Variants in KLHL1 observed in about 807,000 individuals in gnomAD.
KLHL1 encodes kelch-like protein 1.
Under a neutral mutation model 77.7 loss-of-function variants are expected in KLHL1, and 47 were observed. The ratio of observed to expected loss-of-function variants is 0.60; its 90% confidence interval spans 0.48 to 0.77. KLHL1 has a LOEUF of 0.77. Ranked by LOEUF, KLHL1 falls within the 30% of genes least tolerant of loss-of-function variation. The probability of loss-of-function intolerance (pLI) is 0.00; values close to 1 mark genes in which losing one functional copy is unlikely to be tolerated. For missense variants in KLHL1, 925 were observed against 910.8 expected, an observed-to-expected ratio of 1.02 and a Z score of -0.20; for synonymous variants, 360 against 325.2, an observed-to-expected ratio of 1.11 and a Z score of -1.15.
chr13:69,814,181 A>T (rs780312182), intron 6 of KLHL1, among the ~76,000 whole-genome samples: 30 of 152,286 alleles, frequency 2.0e-4, no homozygotes, highest in Middle Eastern at 3.4e-3. Flanking sequence ...TCGGGAACAC[A>T]GGCTTACCAT....
chr13:69,951,719 T>C (rs1276130376), intron 3 of KLHL1, among the ~76,000 whole-genome samples: 3 of 151,428 alleles, frequency 2.0e-5, no homozygotes, highest in African/African-American at 7.3e-5. Context: ...CAAAATATGC[T>C]TCATATGTTA....
chr13:69,866,663 G>C (rs552229335), intron 5 of KLHL1, among the ~76,000 whole-genome samples: 8 of 152,126 alleles, frequency 5.3e-5, no homozygotes, highest in Non-Finnish European at 1.2e-4. Context: ...ATTTCAAAAT[G>C]AGGATGTGGA....
At chr13:69,792,740 T>C (rs1219580560) in intron 7 of KLHL1, among the ~76,000 whole-genome samples, 1 of 152,114 alleles carries the variant, frequency 6.6e-6, no homozygotes, top group Admixed American at 6.6e-5. Flanking sequence ...CTACCTGAAA[T>C]TGACTTTAAA....
chr13:70,016,301 G>T (rs1225319333), intron 1 of KLHL1, among the ~76,000 whole-genome samples: 1 of 152,190 alleles, frequency 6.6e-6, no homozygotes, highest in African/African-American at 2.4e-5. Context: ...CAGGAGCCCT[G>T]CCCCCTACTG....
At chr13:69,902,276 G>T (rs554180837) in intron 4 of KLHL1, among the ~76,000 whole-genome samples, 1 of 152,210 alleles carries the variant, frequency 6.6e-6, no homozygotes, top group Admixed American at 6.5e-5. Context: ...AACATGGGCT[G>T]GTCTTAGAAC....
At chr13:69,813,503 C>CACACATATAT (rs34163072) in intron 6 of KLHL1, among the ~76,000 whole-genome samples, 18 of 148,836 alleles carry the variant, frequency 1.2e-4, no homozygotes, top group African/African-American at 4.5e-4. Context: ...CACACACACA[C>CACACATATAT]ATATATATAT....
intron 6 of KLHL1, among the ~76,000 whole-genome samples, chr13:69,811,553 T>C (rs1279562847): frequency 1.3e-5 from 2 of 152,104 alleles, no homozygotes; most frequent in African/African-American, 4.8e-5. Flanking sequence ...AAAGCATTCT[T>C]CCTAAAACCT....
intron 7 of KLHL1, among the ~76,000 whole-genome samples, chr13:69,771,058 A>G (rs556266209): frequency 6.6e-6 from 1 of 152,340 alleles, no homozygotes; most frequent in East Asian, 1.9e-4. Context: ...TATGTGGTCA[A>G]GACAATGCTG....
chr13:69,854,907 T>G (rs1392387317), intron 5 of KLHL1, among the ~76,000 whole-genome samples: 1 of 151,992 alleles, frequency 6.6e-6, no homozygotes, highest in African/African-American at 2.4e-5. Context: ...AAGTACCTAT[T>G]TTTGAAATGG....
chr13:70,077,309 T>C (rs1032876379), intron 1 of KLHL1, among the ~76,000 whole-genome samples: 1 of 151,802 alleles, frequency 6.6e-6, no homozygotes, highest in African/African-American at 2.4e-5. Context: ...GTCTCAAAAA[T>C]ACATGGAGGA....
intron 6 of KLHL1, among the ~76,000 whole-genome samples, chr13:69,800,353 A>G (rs73504077): frequency 0.02 from 2,983 of 151,966 alleles, 87 homozygotes; most frequent in African/African-American, 0.067. Flanking sequence ...GGATATGGAC[A>G]TTTTTCTGGG....
intron 6 of KLHL1, among the ~76,000 whole-genome samples, chr13:69,799,882 T>TTC (rs1245226687): frequency 6.6e-6 from 1 of 152,158 alleles, no homozygotes; most frequent in Non-Finnish European, 1.5e-5. Flanking sequence ...GAGCTCCACC[T>TTC]TCTGTCAGAC....
intron 1 of KLHL1, among the ~76,000 whole-genome samples, chr13:70,077,401 G>C: frequency 6.6e-6 from 1 of 151,818 alleles, no homozygotes; most frequent in East Asian, 1.9e-4. Flanking sequence ...AGCCATTCTG[G>C]AAAAGGCCAA....
chr13:69,784,220 C>G (rs1478362787), intron 7 of KLHL1, among the ~76,000 whole-genome samples: 1 of 152,136 alleles, frequency 6.6e-6, no homozygotes, highest in Non-Finnish European at 1.5e-5. Flanking sequence ...GTACCAGCCA[C>G]TGCAAAAACA....
At chr13:70,057,675 C>G (rs1886778461) in intron 1 of KLHL1, among the ~76,000 whole-genome samples, 1 of 145,830 alleles carries the variant, frequency 6.9e-6, no homozygotes, top group South Asian at 2.2e-4. Context: ...ACTCGGGAGG[C>G]TGAGGCAGGA....
intron 3 of KLHL1, among the ~76,000 whole-genome samples, chr13:69,952,008 T>C (rs970364683): frequency 2.6e-5 from 4 of 151,414 alleles, no homozygotes; most frequent in African/African-American, 9.7e-5. Context: ...TTATTTCCCC[T>C]CTTGGATAGT....
chr13:69,979,689 C>T (rs1001932613), intron 1 of KLHL1, among the ~76,000 whole-genome samples: 2 of 152,116 alleles, frequency 1.3e-5, no homozygotes, highest in Admixed American at 6.5e-5. Flanking sequence ...AAACTCTTAA[C>T]ATTTGTCTTT....
At chr13:70,025,604 A>C (rs1885920829) in intron 1 of KLHL1, among the ~76,000 whole-genome samples, 2 of 151,842 alleles carry the variant, frequency 1.3e-5, no homozygotes, top group South Asian at 2.1e-4. Flanking sequence ...AGCTAAGAAA[A>C]AGTAAATTAG....
At chr13:70,063,168 G>A (rs1420368971) in intron 1 of KLHL1, among the ~76,000 whole-genome samples, 10 of 152,028 alleles carry the variant, frequency 6.6e-5, no homozygotes, top group Non-Finnish European at 8.8e-5. Context: ...TCCAGATCCA[G>A]CTCTGATTAC....
Sources: allele counts gnomAD v4.1 joint callset (sites outside exome capture counted in the v4.1 genomes callset), GRCh38; gene constraint gnomAD v4.1.1; transcripts MANE v1.5; gene names NCBI Gene and HGNC (gene_info 2026-07-23, HGNC 2026-07-21).